KCNN2: variants seen among roughly 807,000 people sequenced by gnomAD.
KCNN2 encodes the protein potassium calcium-activated channel subfamily N member 2.
KCNN2 carries 24 observed loss-of-function variants against 55.5 expected under a neutral mutation model. The ratio of observed to expected loss-of-function variants is 0.43; its 90% CI spans 0.31 to 0.61. The LOEUF (loss-of-function observed/expected upper bound fraction) is 0.61, where lower values mean the gene tolerates loss of function less well. Ranked by LOEUF, KCNN2 falls within the 20% of genes least tolerant of loss-of-function variation. The probability of loss-of-function intolerance (pLI) is 0.08; values close to 1 mark genes in which losing one functional copy is unlikely to be tolerated. For synonymous variants in KCNN2, 431 were observed against 336.1 expected, an observed-to-expected ratio of 1.28 and a Z score of -3.09; for missense variants, 754 against 853.6, an observed-to-expected ratio of 0.88 and a Z score of 1.45.
At chr5:114,493,532 C>T in intron 7 of KCNN2, 60 bp downstream of exon 7, 1 of 1,123,418 alleles carries the variant, frequency 8.9e-7, no homozygotes, top group Non-Finnish European at 1.4e-6. Context: ...ACTTCACAGT[C>T]ACTAATCATG....
rs76852708 is a variant in KCNN2 at position 114,362,934 on chromosome 5, T to C, written c.795T>C (p.Ala265=). 2.0e-5 allele frequency: 31 copies of C among 1,560,868 alleles called. No homozygotes were observed. The highest frequency in any genetic ancestry group is 1.5e-4 in the East Asian group (6 of 41,082). ...GCGCGTCCTCCCCGTCTGCAGCCGC[T>C]GCCGCCGCCGCCGCTGTTTCGTCCT... is the stretch of plus-strand genomic sequence containing the variant. ...GGGASSPSAA[A]AAAAAVSSSA... Residue 265 remains alanine, a synonymous_variant, in exon 1 of 8, where the codon GCT becomes GCC. Coordinates refer to ENST00000673685, the MANE Select transcript of KCNN2 (RefSeq NM_021614.4).
chr5:114,164,447 T>G (rs948092984), intron 1 of KCNN2, among the ~76,000 whole-genome samples: 4 of 152,230 alleles, frequency 2.6e-5, no homozygotes, highest in African/African-American at 9.6e-5. Flanking sequence ...CTATATTTTT[T>G]TCATGCAGTT....
chr5:114,290,445 G>C (rs2150017248), intron 2 of KCNN2, among the ~76,000 whole-genome samples: 1 of 152,054 alleles, frequency 6.6e-6, no homozygotes, highest in African/African-American at 2.4e-5. Flanking sequence ...TATGTCCCCA[G>C]CTTTCATTTC....
chr5:114,279,350 G>A (rs1278461416), intron 2 of KCNN2, among the ~76,000 whole-genome samples: 1 of 151,690 alleles, frequency 6.6e-6, no homozygotes, highest in Non-Finnish European at 1.5e-5. Flanking sequence ...TGTGCACAGT[G>A]TGCAGGTTTG....
At chr5:114,168,566 C>T (rs1317527268) in intron 1 of KCNN2, among the ~76,000 whole-genome samples, 3 of 151,916 alleles carry the variant, frequency 2.0e-5, no homozygotes, top group Non-Finnish European at 2.9e-5. Flanking sequence ...TGAGAACAAG[C>T]TAAAAATATT....
intron 3 of KCNN2, among the ~76,000 whole-genome samples, chr5:114,425,190 G>T (rs1179750100): frequency 6.6e-6 from 1 of 152,126 alleles, no homozygotes; most frequent in Non-Finnish European, 1.5e-5. Flanking sequence ...GTGAAGAAGG[G>T]GCTTAACTAT....
intron 1 of KCNN2, among the ~76,000 whole-genome samples, chr5:114,097,599 G>A (rs1273348089): frequency 1.3e-5 from 2 of 152,162 alleles, no homozygotes; most frequent in African/African-American, 2.4e-5. Flanking sequence ...CGCTATTGAA[G>A]GTAGCAGACA....
At chr5:114,352,251 G>T (rs1250841728) in intron 2 of KCNN2, among the ~76,000 whole-genome samples, 1 of 151,356 alleles carries the variant, frequency 6.6e-6, no homozygotes, top group Non-Finnish European at 1.5e-5. Flanking sequence ...TTTCTGTAAG[G>T]TTAGTAGTGA....
chr5:114,132,247 G>A (rs545580579), intron 1 of KCNN2, among the ~76,000 whole-genome samples: 3 of 152,168 alleles, frequency 2.0e-5, no homozygotes, highest in Admixed American at 1.3e-4. Context: ...TTTCTTCTAG[G>A]GCTTTTATGG....
In KCNN2 at chr5:114,272,333, T is replaced by TATAC. The variant is rs1478921664; in HGVS notation, c.-185+50769_-185+50770insTACA. 2.2e-3 allele frequency among the ~76,000 whole-genome samples: 265 copies of TATAC among 122,134 alleles called. 11 individuals are homozygous for TATAC. Among genetic ancestry groups the TATAC allele is most frequent in the African/African-American group, 8.4e-3 (248 of 29,534 alleles). 80.1% of individuals were successfully genotyped at this position (122,134 alleles called of 152,430 possible). Reference sequence around the variant, plus strand: ...ACACACACATATATGTATGTACATATACACACATATATGTATGTACATACC... The same window carrying TATAC: ...ACACACACATATATGTATGTACATATATACACACACATATATGTATGTACATACC... On this transcript the variant is annotated intron_variant, in intron 2 of 10. Transcript: ENST00000512097.
intron 1 of KCNN2, among the ~76,000 whole-genome samples, chr5:114,110,651 C>G (rs1751577623): frequency 6.6e-6 from 1 of 152,060 alleles, no homozygotes; most frequent in South Asian, 2.1e-4. Context: ...TTCTAGCTCT[C>G]CAGGACATTT....
intron 1 of KCNN2, among the ~76,000 whole-genome samples, chr5:114,089,003 A>T (rs913523004): frequency 1.3e-5 from 2 of 152,146 alleles, no homozygotes; most frequent in Non-Finnish European, 2.9e-5. Context: ...AATTCCTTAA[A>T]CATATTTATA....
At chr5:114,400,895 CTT>C (rs768949029) in intron 2 of KCNN2, among the ~76,000 whole-genome samples, 2 of 152,032 alleles carry the variant, frequency 1.3e-5, no homozygotes, top group African/African-American at 2.4e-5. Flanking sequence ...TATTTCATCT[CTT>C]GTTTCTTTCC....
At chr5:114,207,214 T>C (rs10043160) in intron 1 of KCNN2, among the ~76,000 whole-genome samples, 3,760 of 152,244 alleles carry the variant, frequency 0.025, 143 homozygotes, top group African/African-American at 0.085. Flanking sequence ...ATAACTGCTC[T>C]CTGAGCATAT....
intron 2 of KCNN2, among the ~76,000 whole-genome samples, chr5:114,300,493 T>C (rs1756132680): frequency 6.6e-6 from 1 of 152,172 alleles, no homozygotes; most frequent in African/African-American, 2.4e-5. Context: ...TTAAACACTA[T>C]AGAGATCTAA....
intron 1 of KCNN2, among the ~76,000 whole-genome samples, chr5:114,106,088 T>C (rs546535817): frequency 5.3e-5 from 8 of 152,104 alleles, no homozygotes; most frequent in African/African-American, 1.9e-4. Flanking sequence ...ATTTTAAATA[T>C]TTTGGTAAAT....
At chr5:114,365,547 C>T (rs769542500) in intron 2 of KCNN2, among the ~76,000 whole-genome samples, 3 of 152,172 alleles carry the variant, frequency 2.0e-5, no homozygotes, top group Non-Finnish European at 2.9e-5. Flanking sequence ...CTGAAATCAG[C>T]AGAGGTAGCT....
At chr5:114,168,301 C>T in intron 1 of KCNN2, among the ~76,000 whole-genome samples, 1 of 151,496 alleles carries the variant, frequency 6.6e-6, no homozygotes, top group East Asian at 1.9e-4. Context: ...GTGCTAATAC[C>T]ATGTTTTACT....
At chr5:114,160,094 T>A (rs1561502143) in intron 1 of KCNN2, among the ~76,000 whole-genome samples, 1 of 152,194 alleles carries the variant, frequency 6.6e-6, no homozygotes. Context: ...AATTGTGATG[T>A]TAGGGTGTCA....
Sources: gnomAD v4.1 joint callset for allele counts (sites outside exome capture counted in the v4.1 genomes callset) on GRCh38, gnomAD v4.1.1 for gene constraint, MANE v1.5 for transcripts, NCBI Gene and HGNC (gene_info 2026-07-23, HGNC 2026-07-21) for gene names.